Variants in PLCG2 observed in about 807,000 individuals in gnomAD.
PLCG2 encodes phospholipase C gamma 2, also known as 1-phosphatidylinositol 4,5-bisphosphate phosphodiesterase gamma-2.
Under a neutral mutation model 175.6 loss-of-function variants are expected in PLCG2, and 69 were observed. That is an observed-to-expected ratio of 0.39 (90% CI 0.32 to 0.48). The LOEUF (loss-of-function observed/expected upper bound fraction) is 0.48, where lower values mean the gene tolerates loss of function less well. PLCG2 is among the 20% of genes least tolerant of loss of function. The pLI, the probability that PLCG2 is intolerant of heterozygous loss-of-function variation, is 0.91. For synonymous variants in PLCG2, 827 were observed against 624.0 expected (o/e 1.33, Z -4.85); for missense variants, 1,798 against 1,650.9 (o/e 1.09, Z -1.54).
chr16:81,957,844 C>T (rs191855045), intron 32 of PLCG2, 112 bp from the exon 33 acceptor site: 27 of 918,612 alleles, frequency 2.9e-5, no homozygotes, highest in Admixed American at 1.3e-4. Context: ...CAGCCCTATA[C>T]CATCCAGCTA....
intron 2 of PLCG2, among the ~76,000 whole-genome samples, chr16:81,802,357 C>A (rs1204071883): frequency 1.3e-5 from 2 of 151,228 alleles, no homozygotes; most frequent in African/African-American, 2.4e-5. Context: ...CGTGATCCAC[C>A]CGCCTCGGCC....
chr16:81,803,221 C>T (rs1287065672), intron 2 of PLCG2, among the ~76,000 whole-genome samples: 1 of 150,604 alleles, frequency 6.6e-6, no homozygotes, highest in African/African-American at 2.4e-5. Context: ...TGGGTTCATG[C>T]CATTCTCCTG....
At chr16:81,943,525 A>C (rs374662004) in intron 30 of PLCG2, among the ~76,000 whole-genome samples, 1 of 152,154 alleles carries the variant, frequency 6.6e-6, no homozygotes, top group East Asian at 1.9e-4. Flanking sequence ...TCACAATTCA[A>C]CATGAGATTT....
chr16:81,898,943 C>T (rs924435885), intron 13 of PLCG2, among the ~76,000 whole-genome samples: 5 of 150,726 alleles, frequency 3.3e-5, no homozygotes, highest in Admixed American at 6.6e-5. Flanking sequence ...CCAGCACTTT[C>T]GGAGGCTGAG....
intron 2 of PLCG2, among the ~76,000 whole-genome samples, chr16:81,802,463 G>C (rs1225391125): frequency 2.6e-5 from 4 of 152,036 alleles, no homozygotes; most frequent in African/African-American, 4.8e-5. Flanking sequence ...TTGCTACCAA[G>C]TGTTCCCAGT....
intron 25 of PLCG2, among the ~76,000 whole-genome samples, chr16:81,932,581 A>AAGAT (rs1434786243): frequency 1.3e-5 from 2 of 152,160 alleles, no homozygotes; most frequent in African/African-American, 2.4e-5. Context: ...TCTCTCCTCC[A>AAGAT]AGATAGTCAC....
intron 2 of PLCG2, among the ~76,000 whole-genome samples, chr16:81,773,887 C>A (rs1399663266): frequency 6.6e-6 from 1 of 152,076 alleles, no homozygotes; most frequent in Non-Finnish European, 1.5e-5. Context: ...TTGTGTTCCT[C>A]CAACTACACT....
chr16:81,803,882 A>T (rs1214894370), intron 2 of PLCG2, among the ~76,000 whole-genome samples: 1 of 152,094 alleles, frequency 6.6e-6, no homozygotes, highest in African/African-American at 2.4e-5. Context: ...GGGTTTCACT[A>T]TGTTGGCCAA....
chr16:81,829,375 C>G (rs901029052), intron 2 of PLCG2, among the ~76,000 whole-genome samples: 6 of 152,190 alleles, frequency 3.9e-5, no homozygotes, highest in Non-Finnish European at 5.9e-5. Context: ...TCCCAAAGTG[C>G]TGGGATTACA....
intron 1 of PLCG2, among the ~76,000 whole-genome samples, chr16:81,755,265 T>C (rs1909897950): frequency 6.6e-6 from 1 of 152,074 alleles, no homozygotes; most frequent in South Asian, 2.1e-4. Context: ...GCCGTCATCG[T>C]GGCTCACTGC....
chr16:81,863,692 G>A (rs143415977), intron 5 of PLCG2, among the ~76,000 whole-genome samples: 121 of 152,342 alleles, frequency 7.9e-4, no homozygotes, highest in African/African-American at 2.6e-3. Flanking sequence ...GCAGTGCACA[G>A]GTTTCTGTTT....
chr16:81,908,609 G>A lies in PLCG2; in HGVS notation c.1733+18G>A. 1 of 1,591,500 alleles carries A rather than the reference G, an allele frequency of 6.3e-7. No individual in the cohort carries two copies. Among genetic ancestry groups the A allele is most frequent in the Non-Finnish European group, 8.6e-7 (1 of 1,167,986 alleles). On this transcript the variant is annotated intron_variant, in intron 17 of 32. Coordinates refer to ENST00000564138, the MANE Select transcript of PLCG2 (RefSeq NM_002661.5). ...TCCTTCTGGTAATGCCCCCGACCCA[G>A]GGAACGCCTACCTTCTTCTCCATGC... is the stretch of plus-strand genomic sequence containing the variant.
intron 7 of PLCG2, among the ~76,000 whole-genome samples, chr16:81,879,606 G>A (rs1907981141): frequency 6.6e-6 from 1 of 152,126 alleles, no homozygotes; most frequent in East Asian, 1.9e-4. Flanking sequence ...GAGGACCCTG[G>A]GTCATCTGGG....
At chr16:81,916,565 T>TAC (rs1428968586) in intron 19 of PLCG2, among the ~76,000 whole-genome samples, 1 of 146,052 alleles carries the variant, frequency 6.8e-6, no homozygotes, top group Non-Finnish European at 1.5e-5. Context: ...TAATAACATA[T>TAC]ACACACACTT....
At chr16:81,912,298 C>G (rs988933707) in intron 18 of PLCG2, among the ~76,000 whole-genome samples, 4 of 151,240 alleles carry the variant, frequency 2.6e-5, no homozygotes, top group Non-Finnish European at 5.9e-5. Context: ...ACTCCTGACC[C>G]CAAGTGATCC....
chr16:81,880,436 G>A (rs565007503), intron 7 of PLCG2, among the ~76,000 whole-genome samples: 38 of 152,056 alleles, frequency 2.5e-4, no homozygotes, highest in Non-Finnish European at 4.4e-4. Flanking sequence ...AGAGAAATAG[G>A]CACACAGGGA....
At position 81,937,431 on chromosome 16, in the gene PLCG2, A is replaced by T. The variant is rs534625475; in HGVS notation, c.3053-327A>T. ...GTATTTATAGCATAGATGTATCAGA[A>T]CTAAGAGGTTAAAAATTTATATTCA... On this transcript the variant is annotated intron_variant, in intron 27 of 32. Coordinates refer to ENST00000564138, the MANE Select transcript of PLCG2 (RefSeq NM_002661.5). The T allele has an allele frequency of 2.5e-5, 5 of 203,806 alleles. No homozygotes were observed. The South Asian group carries it at 5.3e-4, about 22-fold the overall frequency. The allele number at this position is 203,806 out of a possible 1,614,324, so 12.6% of individuals were successfully genotyped here. A position where few individuals can be genotyped will look rare whatever the true frequency, so the allele number is the denominator to read the frequency against.
At chr16:81,753,444 A>G (rs1415912522) in intron 1 of PLCG2, among the ~76,000 whole-genome samples, 1 of 135,524 alleles carries the variant, frequency 7.4e-6, no homozygotes, top group Non-Finnish European at 1.5e-5. Flanking sequence ...TTTGAGATGG[A>G]GTCTCACTCT....
At chr16:81,790,741 G>A (rs1911194198) in intron 2 of PLCG2, among the ~76,000 whole-genome samples, 1 of 152,202 alleles carries the variant, frequency 6.6e-6, no homozygotes, top group African/African-American at 2.4e-5. Context: ...AAAGCAGCGT[G>A]TGGTTCTCAA....
Sources: allele counts gnomAD v4.1 joint callset (sites outside exome capture counted in the v4.1 genomes callset), GRCh38; gene constraint gnomAD v4.1.1; transcripts MANE v1.5; gene names NCBI Gene and HGNC (gene_info 2026-07-23, HGNC 2026-07-21).